Variants in EHMT1 observed in about 807,000 individuals in gnomAD.
The protein encoded by EHMT1 is euchromatic histone lysine methyltransferase 1.
A neutral mutation model predicts 147.2 loss-of-function variants in EHMT1; 15 were observed. That is an observed-to-expected ratio of 0.10 (90% CI 0.07 to 0.16). EHMT1 has a LOEUF of 0.16. EHMT1 is among the 10% of genes least tolerant of loss of function. The pLI, the probability that EHMT1 is intolerant of heterozygous loss-of-function variation, is 1.00. For synonymous variants in EHMT1, 795 were observed against 709.6 expected (o/e 1.12, Z -1.91); for missense variants, 1,587 against 1,772.4 (o/e 0.90, Z 1.88).
In EHMT1 at chr9:137,709,257, A is replaced by G. The variant is rs139600076; in HGVS notation, c.22-1710A>G. Among the ~76,000 whole-genome samples the G allele has an allele frequency of 3.3e-3, 502 of 152,280 alleles. 3 individuals are homozygous for G. Among genetic ancestry groups the G allele is most frequent in the African/African-American group, 0.01 (429 of 41,530 alleles). ...GTTGGGGGGTAGGTGTGAAGGGTGCAGGCTGAGCTGGCTGGCGTACAGCTG... is the reference window on the plus strand; with the variant it reads ...GTTGGGGGGTAGGTGTGAAGGGTGCGGGCTGAGCTGGCTGGCGTACAGCTG... On this transcript the variant is annotated intron_variant, in intron 1 of 26. Coordinates refer to ENST00000460843, the MANE Select transcript of EHMT1 (RefSeq NM_024757.5).
At chr9:137,654,522 G>T (rs1283329306) in intron 1 of EHMT1, among the ~76,000 whole-genome samples, 2 of 152,126 alleles carry the variant, frequency 1.3e-5, no homozygotes, top group African/African-American at 2.4e-5. Flanking sequence ...TACCTTTGTT[G>T]TAAGTTTTGA....
At chr9:137,639,501 C>T (rs999246447) in intron 1 of EHMT1, among the ~76,000 whole-genome samples, 8 of 152,208 alleles carry the variant, frequency 5.3e-5, no homozygotes, top group East Asian at 3.9e-4. Context: ...TGTTATCTTG[C>T]GTGTGTTTAT....
At chr9:137,817,699 T>C in intron 24 of EHMT1, 174 bp downstream of exon 24, 1 of 786,060 alleles carries the variant, frequency 1.3e-6, no homozygotes, top group South Asian at 1.6e-5. Context: ...CTGTCCTCAG[T>C]CCTCTTGCTG....
intron 21 of EHMT1, among the ~76,000 whole-genome samples, chr9:137,814,025 CCCT>C (rs1197013563): frequency 2.0e-5 from 3 of 146,836 alleles, no homozygotes; most frequent in South Asian, 2.2e-4. Context: ...GTGGGCAGCT[CCCT>C]CCTCTTCCCA....
chr9:137,659,397 AAATTAATTAATT>A (rs59168383), intron 1 of EHMT1, among the ~76,000 whole-genome samples: 1 of 150,950 alleles, frequency 6.6e-6, no homozygotes, highest in African/African-American at 2.4e-5. Flanking sequence ...TGTATTTCTA[AAATTAATTAATT>A]AATTAATTAA....
chr9:137,619,368 C>T (rs1417396902), intron 1 of EHMT1, among the ~76,000 whole-genome samples: 2 of 151,456 alleles, frequency 1.3e-5, no homozygotes, highest in Non-Finnish European at 2.9e-5. Flanking sequence ...CCCGTGCCGC[C>T]GCCGCCGCCC....
intron 25 of EHMT1, among the ~76,000 whole-genome samples, chr9:137,825,711 C>T (rs528776784): frequency 6.6e-6 from 1 of 152,298 alleles, no homozygotes; most frequent in Admixed American, 6.5e-5. Flanking sequence ...AACCTGTGGC[C>T]TAAAGTCACC....
chr9:137,637,784 C>CCT (rs1343875503), intron 1 of EHMT1, among the ~76,000 whole-genome samples: 3 of 152,180 alleles, frequency 2.0e-5, no homozygotes, highest in Non-Finnish European at 4.4e-5. Flanking sequence ...GTATAATTCA[C>CCT]CTGCGAAGCC....
intron 25 of EHMT1, among the ~76,000 whole-genome samples, chr9:137,827,559 TG>T (rs1358101635): frequency 6.6e-6 from 1 of 152,200 alleles, no homozygotes; most frequent in Non-Finnish European, 1.5e-5. Flanking sequence ...CACCCACCCC[TG>T]GGTCTGCCCC....
At chr9:137,701,172 C>T (rs1943792062) in intron 1 of EHMT1, among the ~76,000 whole-genome samples, 1 of 152,170 alleles carries the variant, frequency 6.6e-6, no homozygotes, top group African/African-American at 2.4e-5. Context: ...CCTCCCCCAA[C>T]ATTGAGGATT....
intron 1 of EHMT1, among the ~76,000 whole-genome samples, chr9:137,708,214 G>A (rs1259667020): frequency 6.6e-6 from 1 of 152,218 alleles, no homozygotes; most frequent in Admixed American, 6.5e-5. Context: ...GCTAATCGAA[G>A]AGTCAGCTGG....
chr9:137,735,148 T>G lies in EHMT1; in HGVS notation c.823+6619T>G, dbSNP rs547673674. Among the ~76,000 whole-genome samples, 7 of 152,376 alleles carry G rather than the reference T, an allele frequency of 4.6e-5. No homozygotes were observed. In the East Asian group the frequency reaches 1.3e-3, roughly 29 times the overall value. ...TATCATTGCAACTTTGGTTTGTAAC[T>G]CCACATTTTTCCTACATAACAAGAG... On this transcript the variant is annotated intron_variant, in intron 4 of 26. Coordinates refer to ENST00000460843, the MANE Select transcript of EHMT1 (RefSeq NM_024757.5).
intron 1 of EHMT1, among the ~76,000 whole-genome samples, chr9:137,679,034 A>T (rs1347950213): frequency 3.3e-5 from 5 of 151,900 alleles, no homozygotes; most frequent in African/African-American, 1.2e-4. Flanking sequence ...GCTCACTGTA[A>T]TCTCCGCCTC....
chr9:137,619,347 C>T (rs541547947), intron 1 of EHMT1, among the ~76,000 whole-genome samples: 8 of 151,132 alleles, frequency 5.3e-5, no homozygotes, highest in Admixed American at 3.9e-4. Flanking sequence ...GTGCCCGCGC[C>T]CCCCACGGAC....
rs1564825207 is a variant in EHMT1 at position 137,821,317 on chromosome 9, C to CGT, written c.3540+3179_3540+3180insGT. ...TACAGGCATGAGCCACTGCGCCCGGCCTTTTTTTTTTTTTTTTTTTTTTTT... is the reference window on the plus strand; with the variant it reads ...TACAGGCATGAGCCACTGCGCCCGGCGTCTTTTTTTTTTTTTTTTTTTTTTTT... On this transcript the variant is annotated intron_variant, in intron 25 of 26. Coordinates refer to ENST00000460843, the MANE Select transcript of EHMT1 (RefSeq NM_024757.5). Among the ~76,000 whole-genome samples, 35 of 75,910 alleles carry CGT rather than the reference C, an allele frequency of 4.6e-4. 2 individuals carry two copies. The East Asian group carries it at 0.018, about 39-fold the overall frequency. The allele number at this position is 75,910 out of a possible 152,430, so 49.8% of individuals were successfully genotyped here.
At chr9:137,717,401 G>C (rs1945439313) in intron 3 of EHMT1, 1 of 662,902 alleles carries the variant, frequency 1.5e-6, no homozygotes, top group South Asian at 1.8e-5. Context: ...CTAGGAGTTT[G>C]AGACCAGCCT....
chr9:137,798,982 C>G, intron 17 of EHMT1, 68 bp downstream of exon 17: 1 of 1,296,922 alleles, frequency 7.7e-7, no homozygotes. Flanking sequence ...TGTTCTGCAG[C>G]TCCTGGTCCC....
intron 6 of EHMT1, among the ~76,000 whole-genome samples, chr9:137,748,391 G>A (rs953368357): frequency 4.6e-5 from 7 of 152,178 alleles, no homozygotes; most frequent in Admixed American, 2.0e-4. Context: ...GGCTGCTCTC[G>A]TGTCTGTGTC....
intron 25 of EHMT1, among the ~76,000 whole-genome samples, chr9:137,825,681 G>T (rs116782543): frequency 0.013 from 2,020 of 152,258 alleles, 53 homozygotes; most frequent in African/African-American, 0.046. Flanking sequence ...AATAGAGTAG[G>T]TTTTTAAAAT....
Sources: gnomAD v4.1 joint callset for allele counts (sites outside exome capture counted in the v4.1 genomes callset) on GRCh38, gnomAD v4.1.1 for gene constraint, MANE v1.5 for transcripts, NCBI Gene and HGNC (gene_info 2026-07-23, HGNC 2026-07-21) for gene names.